The following CHODL variants were observed in gnomAD, a reference collection of about 807,000 sequenced individuals.
CHODL encodes transmembrane protein MT75.
CHODL carries 29 observed loss-of-function variants against 34.5 expected under a neutral mutation model. That is an observed-to-expected ratio of 0.84 (90% CI 0.63 to 1.15). The LOEUF is 1.15. CHODL is among the 50% of genes most tolerant of loss of function. CHODL has a pLI of 0.00. For synonymous variants in CHODL, 125 were observed against 116.1 expected, an observed-to-expected ratio of 1.08 and a Z score of -0.49; for missense variants, 332 against 332.5, an observed-to-expected ratio of 1.00 and a Z score of 0.01.
At chr21:18,072,616 T>C (rs1389296769) in intron 2 of CHODL, among the ~76,000 whole-genome samples, 2 of 152,098 alleles carry the variant, frequency 1.3e-5, no homozygotes, top group African/African-American at 2.4e-5. Flanking sequence ...ATTTTGTGTA[T>C]GTGTAGTAAC....
chr21:18,169,819 C>T (rs1431224131), intron 2 of CHODL, among the ~76,000 whole-genome samples: 1 of 151,936 alleles, frequency 6.6e-6, no homozygotes, highest in African/African-American at 2.4e-5. Flanking sequence ...TATTTTCACC[C>T]ATCTCAAAGT....
At position 17,937,138 on chromosome 21, in the gene CHODL, C is replaced by T. The variant is rs60379490; in HGVS notation, c.-145+19738C>T. On this transcript the variant is annotated intron_variant, in intron 1 of 6. Transcript: ENST00000400127. The stretch of plus-strand genomic sequence containing the variant: ...GGATAAATGTAGAAATGGATATGCA[C>T]TGAGATGAAATCAGACACTGGTAAA... Among the ~76,000 whole-genome samples, 82 of 151,022 alleles carry T rather than the reference C, an allele frequency of 5.4e-4. 1 individual carries two copies. The East Asian group carries it at 0.015, about 28-fold the overall frequency.
chr21:18,249,108 T>C (rs1405632604), intron 1 of CHODL, among the ~76,000 whole-genome samples: 3 of 117,492 alleles, frequency 2.6e-5, no homozygotes, highest in Non-Finnish European at 4.7e-5. Context: ...TATATAATAA[T>C]ATATATATAA....
intron 2 of CHODL, among the ~76,000 whole-genome samples, chr21:18,048,838 G>A (rs919115540): frequency 7.9e-5 from 12 of 151,760 alleles, no homozygotes; most frequent in African/African-American, 2.7e-4. Context: ...CTTCTGGGGG[G>A]CAGAAATGCA....
At chr21:18,097,568 A>G (rs2065155068) in intron 2 of CHODL, among the ~76,000 whole-genome samples, 2 of 152,164 alleles carry the variant, frequency 1.3e-5, no homozygotes. Context: ...AAGAAATTGA[A>G]GAGATACCAA....
intron 2 of CHODL, among the ~76,000 whole-genome samples, chr21:18,151,986 CTCTGTGTG>C (rs1304653356): frequency 1.1e-5 from 1 of 92,214 alleles, no homozygotes; most frequent in Non-Finnish European, 2.1e-5. Flanking sequence ...ATGTATATAA[CTCTGTGTG>C]TGTGTGTGTG....
chr21:17,921,617 C>T (rs1275456137), intron 1 of CHODL, among the ~76,000 whole-genome samples: 1 of 152,228 alleles, frequency 6.6e-6, no homozygotes, highest in Admixed American at 6.5e-5. Flanking sequence ...CTTTGTCTCT[C>T]ATTGAATTGA....
At chr21:18,068,171 GA>G (rs1364325968) in intron 2 of CHODL, among the ~76,000 whole-genome samples, 1 of 151,568 alleles carries the variant, frequency 6.6e-6, no homozygotes, top group Non-Finnish European at 1.5e-5. Context: ...TTCTATTCAA[GA>G]GCAAACTTCT....
At chr21:18,129,924 GTGTGTC>G (rs1478862716) in intron 2 of CHODL, among the ~76,000 whole-genome samples, 5 of 145,642 alleles carry the variant, frequency 3.4e-5, no homozygotes, top group Non-Finnish European at 7.4e-5. Context: ...GTGTGTGTGT[GTGTGTC>G]TGTGTGTGTG....
intron 1 of CHODL, among the ~76,000 whole-genome samples, chr21:18,253,055 T>G (rs1028678314): frequency 1.3e-5 from 2 of 152,154 alleles, no homozygotes; most frequent in East Asian, 3.8e-4. Flanking sequence ...AACATAATGG[T>G]GTTAGAAATT....
chr21:18,264,601 CAAA>C (rs564344974), intron 5 of CHODL, among the ~76,000 whole-genome samples: 1,898 of 68,748 alleles, frequency 0.028, 26 homozygotes, highest in African/African-American at 0.068. Flanking sequence ...GGGTCTGTCT[CAAA>C]AAAAAAAAAA....
intron 1 of CHODL, among the ~76,000 whole-genome samples, chr21:17,941,286 C>CTT (rs34255623): frequency 5.9e-4 from 52 of 87,848 alleles, no homozygotes; most frequent in South Asian, 8.6e-4. Flanking sequence ...TAACTTGCCT[C>CTT]TTTTTTTTTT....
intron 1 of CHODL, among the ~76,000 whole-genome samples, chr21:18,246,969 G>T (rs549309434): frequency 6.6e-6 from 1 of 152,130 alleles, no homozygotes; most frequent in East Asian, 1.9e-4. Flanking sequence ...CATAAATGAT[G>T]ATGTTTATTT....
At position 18,257,109 on chromosome 21, in the gene CHODL, A is replaced by G. The variant is rs369187137; in HGVS notation, c.529A>G (p.Ile177Val). The G allele has an allele frequency of 1.4e-5, 22 of 1,612,106 alleles. No individual in the cohort carries two copies. The highest frequency in any genetic ancestry group is 8.0e-5 in the African/African-American group (6 of 74,826). ...DDRCNMKHNYICKYEPEINPT... is the reference protein window; with the variant it reads ...DDRCNMKHNYVCKYEPEINPT... ...CAGGTGTAACATGAAGCACAATTATATTTGCAAGTATGAACCAGGTAAGCA... is the reference window on the plus strand; with the variant it reads ...CAGGTGTAACATGAAGCACAATTATGTTTGCAAGTATGAACCAGGTAAGCA... The change falls in exon 3 of 6, where the codon ATT becomes GTT. Residue 177 changes from isoleucine (I) to valine (V), a missense_variant. Coordinates refer to ENST00000299295, the MANE Select transcript of CHODL (RefSeq NM_024944.3).
At chr21:18,177,972 G>A (rs1316297166) in intron 2 of CHODL, among the ~76,000 whole-genome samples, 2 of 152,118 alleles carry the variant, frequency 1.3e-5, no homozygotes, top group Non-Finnish European at 2.9e-5. Context: ...GAGCACTGCT[G>A]TGATGTTTCT....
intron 2 of CHODL, among the ~76,000 whole-genome samples, chr21:18,163,212 A>T (rs746764950): frequency 3.9e-5 from 6 of 152,236 alleles, no homozygotes; most frequent in Non-Finnish European, 8.8e-5. Context: ...CAGGAAAGTG[A>T]TTTATTTATA....
chr21:18,044,480 AC>A (rs1438448434), intron 2 of CHODL, among the ~76,000 whole-genome samples: 1 of 151,954 alleles, frequency 6.6e-6, no homozygotes, highest in Non-Finnish European at 1.5e-5. Flanking sequence ...TGCTGTTTTA[AC>A]TAACAACATT....
intron 1 of CHODL, among the ~76,000 whole-genome samples, chr21:18,248,725 TG>T (rs1421722902): frequency 0.019 from 2,307 of 120,318 alleles, 105 homozygotes; most frequent in African/African-American, 0.079. Context: ...TACATATATA[TG>T]TATATAATAT....
intron 2 of CHODL, among the ~76,000 whole-genome samples, chr21:18,146,510 C>T (rs895654310): frequency 6.6e-6 from 1 of 152,018 alleles, no homozygotes. Flanking sequence ...GCCTCTGACC[C>T]CTTTGCTCAG....
Sources: gnomAD v4.1 joint callset for allele counts (sites outside exome capture counted in the v4.1 genomes callset) on GRCh38, gnomAD v4.1.1 for gene constraint, MANE v1.5 for transcripts, NCBI Gene and HGNC (gene_info 2026-07-23, HGNC 2026-07-21) for gene names.